ZNF19: variants seen among roughly 807,000 people sequenced by gnomAD.
ZNF19 encodes the protein zinc finger protein 19.
In ZNF19, 11 loss-of-function variants were observed where a neutral mutation model predicts 13.1. The observed-to-expected ratio is 0.84, with a 90% CI of 0.53 to 1.39. The LOEUF (loss-of-function observed/expected upper bound fraction) is 1.39. Ranked by LOEUF, ZNF19 falls within the 40% of genes most tolerant of loss-of-function variation. The pLI, the probability that ZNF19 is intolerant of heterozygous loss-of-function variation, is 0.00. For missense variants in ZNF19, 560 were observed against 547.0 expected (o/e 1.02, Z -0.24); for synonymous variants, 186 against 187.0 (o/e 0.99, Z 0.04).
intron 3 of ZNF19, among the ~76,000 whole-genome samples, chr16:71,479,761 T>C (rs924880207): frequency 6.6e-6 from 1 of 152,112 alleles, no homozygotes; most frequent in Non-Finnish European, 1.5e-5. Flanking sequence ...CTTGGGTTTT[T>C]TTTTCTTTCT....
chr16:71,479,283 T>C (rs534854322), intron 3 of ZNF19, among the ~76,000 whole-genome samples: 1 of 152,354 alleles, frequency 6.6e-6, no homozygotes, highest in African/African-American at 2.4e-5. Flanking sequence ...AAGTCTCTTA[T>C]TAGTTAACCT....
chr16:71,478,150 C>T, intron 5 of ZNF19, 78 bp downstream of exon 5: 1 of 940,554 alleles, frequency 1.1e-6, no homozygotes, highest in African/African-American at 1.6e-5. Context: ...TATTTAAATC[C>T]TGCCCAGCAT....
chr16:71,476,334 G>A (rs755776277), intron 5 of ZNF19, 62 bp from the exon 6 acceptor site: 21 of 1,489,114 alleles, frequency 1.4e-5, no homozygotes, highest in South Asian at 6.7e-5. Flanking sequence ...AAATAATAGA[G>A]CATTGAAAAT....
rs750940515 is a variant in ZNF19 at position 71,475,168 on chromosome 16, T to A, written c.*2A>T. The stretch of plus-strand genomic sequence containing the variant: ...CTCAGTACATTTCACTGGAGTGTAC[T>A]ATTACCAGTAAAAGGGGGTAAAAAA... On this transcript the variant is annotated 3_prime_UTR_variant, in exon 6 of 6. Coordinates refer to ENST00000288177, the MANE Select transcript of ZNF19 (RefSeq NM_006961.4). 6.3e-7 allele frequency: 1 copy of A among 1,577,064 alleles called. No homozygotes were observed. Among genetic ancestry groups the A allele is most frequent in the Non-Finnish European group, 8.6e-7 (1 of 1,160,036 alleles).
chr16:71,478,022 A>G (rs1478090033), intron 5 of ZNF19: 2 of 519,230 alleles, frequency 3.9e-6, no homozygotes, highest in Non-Finnish European at 6.9e-6. Context: ...TGAAACTCAG[A>G]AAGGAACAAT....
intron 2 of ZNF19, 158 bp from the exon 3 acceptor site, chr16:71,482,301 G>T (rs1407171883): frequency 1.6e-6 from 1 of 639,790 alleles, no homozygotes; most frequent in South Asian, 1.9e-5. Flanking sequence ...ATCATACCAT[G>T]AGGTTTGTAA....
intron 3 of ZNF19, 163 bp from the exon 4 acceptor site, chr16:71,479,168 CA>C (rs2043621834): frequency 1.1e-6 from 1 of 875,768 alleles, no homozygotes; most frequent in Non-Finnish European, 1.8e-6. Context: ...ACTATTTTTA[CA>C]ACGAAAAATC....
intron 3 of ZNF19, among the ~76,000 whole-genome samples, chr16:71,479,686 T>C (rs1016716770): frequency 1.1e-4 from 17 of 152,246 alleles, no homozygotes; most frequent in African/African-American, 3.1e-4. Context: ...GTAGCTCTTT[T>C]AGCTCCTTAT....
rs945209511 is a variant in ZNF19 at position 71,478,440 on chromosome 16, A to G, written c.161-99T>C. The G allele has an allele frequency of 5.8e-6, 5 of 863,226 alleles. No individual in the cohort carries two copies. The African/African-American group carries it at 6.7e-5, about 11-fold the overall frequency. 53.5% of individuals were successfully genotyped at this position (863,226 alleles called of 1,614,324 possible). ...TCAGTAAGAATAAGACCCACAGAAGAGGGTTCTCGACTGGAGAAGGCCAAA... is the reference window on the plus strand; with the variant it reads ...TCAGTAAGAATAAGACCCACAGAAGGGGGTTCTCGACTGGAGAAGGCCAAA... On this transcript the variant is annotated intron_variant, in intron 4 of 5. Transcript: ENST00000288177.
intron 2 of ZNF19, 73 bp from the exon 3 acceptor site, chr16:71,482,216 G>A: frequency 1.4e-6 from 2 of 1,459,420 alleles, no homozygotes. Flanking sequence ...CAATAAATTT[G>A]CCAATAGCAA....
chr16:71,478,771 C>G, intron 4 of ZNF19, 108 bp downstream of exon 4: 1 of 1,452,152 alleles, frequency 6.9e-7, no homozygotes, highest in Non-Finnish European at 9.3e-7. Flanking sequence ...GTGGAGGACA[C>G]AAGAGACAAC....
Position 71,475,059 on chromosome 16 carries a change from C to A in ZNF19, c.*111G>T. The A allele has an allele frequency of 3.8e-6, 5 of 1,299,558 alleles. No homozygotes were observed. Among genetic ancestry groups the A allele is most frequent in the Non-Finnish European group, 4.2e-6 (4 of 962,094 alleles). The allele number at this position is 1,299,558 out of a possible 1,614,324, so 80.5% of individuals were successfully genotyped here. A position where few individuals can be genotyped will look rare whatever the true frequency, so the allele number is the denominator to read the frequency against. On this transcript the variant is annotated 3_prime_UTR_variant, in exon 6 of 6. Transcript: ENST00000288177. ...TTTGGTCATCTACTGACATCTGAAT[C>A]ATTAACTGTGGCTTGAGGGATGGAT... is the stretch of plus-strand genomic sequence containing the variant.
At chr16:71,476,341 A>G in intron 5 of ZNF19, 69 bp from the exon 6 acceptor site, 1 of 1,469,574 alleles carries the variant, frequency 6.8e-7, no homozygotes. Flanking sequence ...AGAGCATTGA[A>G]AATGATAAGG....
chr16:71,478,102 C>T (rs1437373156), intron 5 of ZNF19, 126 bp downstream of exon 5: 8 of 650,450 alleles, frequency 1.2e-5, no homozygotes, highest in Middle Eastern at 2.5e-4. Context: ...TGGTGAGAAA[C>T]GTTTCATATT....
At chr16:71,485,876 C>T (rs1212732428) in intron 1 of ZNF19, among the ~76,000 whole-genome samples, 1 of 152,114 alleles carries the variant, frequency 6.6e-6, no homozygotes, top group South Asian at 2.1e-4. Flanking sequence ...CCCAAAGGAA[C>T]CTCATAACCA....
At chr16:71,480,915 T>A (rs2043633410) in intron 3 of ZNF19, among the ~76,000 whole-genome samples, 1 of 152,130 alleles carries the variant, frequency 6.6e-6, no homozygotes, top group Non-Finnish European at 1.5e-5. Context: ...AAATCCAAAC[T>A]CAGGAAACTG....
chr16:71,480,418 T>A (rs2145169430), intron 3 of ZNF19, among the ~76,000 whole-genome samples: 1 of 152,286 alleles, frequency 6.6e-6, no homozygotes, highest in East Asian at 1.9e-4. Context: ...TGACAATATT[T>A]TTCCCTCTCT....
intron 1 of ZNF19, among the ~76,000 whole-genome samples, chr16:71,485,199 C>T (rs1037883535): frequency 9.9e-5 from 15 of 152,068 alleles, no homozygotes; most frequent in Non-Finnish European, 2.1e-4. Context: ...CCTGTAATCC[C>T]AGCACTTTCG....
Position 71,476,045 on chromosome 16 carries a change from T to G in ZNF19, c.502A>C (p.Lys168Gln). 6.2e-7 allele frequency: 1 copy of G among 1,614,172 alleles called. No individual in the cohort carries two copies. The highest frequency in any genetic ancestry group is 8.5e-7 in the Non-Finnish European group (1 of 1,180,008). ...TAGTAAGAAAAGTAGCTGAAGGATT[T>G]CCCACACTCCTCACATATGAAAGGT... ...RKPFICEECG[K>Q]SFSYFSYYAR... Residue 168 changes from lysine to glutamine, a missense_variant, in exon 6 of 6, where the codon AAA becomes CAA. Lys to Gln is a moderately conservative substitution (Grantham distance 53). Coordinates refer to ENST00000288177, the MANE Select transcript of ZNF19 (RefSeq NM_006961.4).
Sources: gnomAD v4.1 joint callset for allele counts (sites outside exome capture counted in the v4.1 genomes callset) on GRCh38, gnomAD v4.1.1 for gene constraint, MANE v1.5 for transcripts, NCBI Gene and HGNC (gene_info 2026-07-23, HGNC 2026-07-21) for gene names.